KIAA0319L: variants seen among roughly 807,000 people sequenced by gnomAD.
KIAA0319L encodes dyslexia-associated protein KIAA0319-like protein.
Under a neutral mutation model 120.1 loss-of-function variants are expected in KIAA0319L, and 55 were observed. The observed-to-expected ratio is 0.46, with a 90% confidence interval of 0.37 to 0.57. The LOEUF (loss-of-function observed/expected upper bound fraction) is 0.57. Ranked by LOEUF, KIAA0319L falls within the 20% of genes least tolerant of loss-of-function variation. The pLI is 0.00. For synonymous variants in KIAA0319L, 398 were observed against 471.9 expected (o/e 0.84, Z 2.03); for missense variants, 1,049 against 1,255.3 (o/e 0.84, Z 2.48).
intron 3 of KIAA0319L, among the ~76,000 whole-genome samples, chr1:35,493,294 A>C (rs1238832717): frequency 2.0e-5 from 3 of 152,188 alleles, no homozygotes; most frequent in African/African-American, 7.2e-5. Flanking sequence ...ATATAATAGC[A>C]TCAAATATAT....
chr1:35,506,568 G>A lies in KIAA0319L; in HGVS notation c.666+44C>T. The A allele has an allele frequency of 6.5e-7, 1 of 1,548,440 alleles. No individual in the cohort carries two copies. Among genetic ancestry groups the A allele is most frequent in the South Asian group, 1.2e-5 (1 of 81,848 alleles). On this transcript the variant is annotated intron_variant, in intron 3 of 20. Coordinates refer to ENST00000325722, the MANE Select transcript of KIAA0319L (RefSeq NM_024874.5). This position sits in a 1 kb window ranked among gnomAD's most constrained non-coding sequence, Gnocchi z 4.0. ...TTGCTCATATATACCAAATGTAAGAGCAGATTTAACCATTTCTCTGCTCCT... is the reference window on the plus strand; with the variant it reads ...TTGCTCATATATACCAAATGTAAGAACAGATTTAACCATTTCTCTGCTCCT...
chr1:35,468,242 CTCT>C (rs1643400392), intron 6 of KIAA0319L, among the ~76,000 whole-genome samples: 1 of 151,516 alleles, frequency 6.6e-6, no homozygotes. Context: ...CTTTATAACA[CTCT>C]TCTTCTTGGC....
intron 2 of KIAA0319L, among the ~76,000 whole-genome samples, chr1:35,539,466 C>A (rs1646710621): frequency 6.6e-6 from 1 of 152,198 alleles, no homozygotes; most frequent in African/African-American, 2.4e-5. Context: ...TGTCAGAGTG[C>A]AGCTTATAAG....
chr1:35,539,908 C>T (rs918840560), intron 2 of KIAA0319L, among the ~76,000 whole-genome samples: 1 of 152,198 alleles, frequency 6.6e-6, no homozygotes, highest in African/African-American at 2.4e-5. Flanking sequence ...GAAACTGAAT[C>T]AATGTTACCC....
intron 5 of KIAA0319L, among the ~76,000 whole-genome samples, chr1:35,474,181 T>G (rs537299883): frequency 6.6e-6 from 1 of 152,292 alleles, no homozygotes; most frequent in South Asian, 2.1e-4. Flanking sequence ...TGCACAAATA[T>G]TTATGGAATA....
chr1:35,481,115 A>G (rs1644145176), intron 3 of KIAA0319L, among the ~76,000 whole-genome samples: 1 of 152,348 alleles, frequency 6.6e-6, no homozygotes, highest in Non-Finnish European at 1.5e-5. Flanking sequence ...GATATTGTGC[A>G]TATCAGTAGT....
rs375944527 is a variant in KIAA0319L, at chr1:35,467,879, G to T, written c.1114-1184C>A. Among the ~76,000 whole-genome samples, 43 of 152,110 alleles carry T rather than the reference G, an allele frequency of 2.8e-4. No individual in the cohort carries two copies. In the East Asian group the frequency reaches 6.8e-3, roughly 24 times the overall value. ...AATTTTTTATTTTTAGTAGAGACATGGGTTTTGCCATGTTGGCCAGGCTGG... is the reference window on the plus strand; with the variant it reads ...AATTTTTTATTTTTAGTAGAGACATTGGTTTTGCCATGTTGGCCAGGCTGG... On this transcript the variant is annotated intron_variant, in intron 6 of 20. Coordinates refer to ENST00000325722, the MANE Select transcript of KIAA0319L (RefSeq NM_024874.5).
chr1:35,503,631 C>T (rs1645090697), intron 3 of KIAA0319L, among the ~76,000 whole-genome samples: 2 of 152,136 alleles, frequency 1.3e-5, no homozygotes, highest in African/African-American at 2.4e-5. Context: ...TCTTTAATCT[C>T]CTTTTTTAGT....
chr1:35,457,591 A>C (rs1369740662), intron 9 of KIAA0319L, among the ~76,000 whole-genome samples: 1 of 152,192 alleles, frequency 6.6e-6, no homozygotes, highest in Non-Finnish European at 1.5e-5. Flanking sequence ...GAACAGCCTA[A>C]AGCTTCTCAT....
chr1:35,475,440 C>T (rs1175438054), intron 4 of KIAA0319L, among the ~76,000 whole-genome samples: 1 of 152,024 alleles, frequency 6.6e-6, no homozygotes, highest in African/African-American at 2.4e-5. Flanking sequence ...ATTCCAATTG[C>T]TACAAGATTC....
chr1:35,513,267 C>CATATATATATAT lies in KIAA0319L; in HGVS notation c.143-6144_143-6133dup, dbSNP rs1189085625. Among the ~76,000 whole-genome samples, 26 of 107,448 alleles carry CATATATATATAT rather than the reference C, an allele frequency of 2.4e-4. No homozygotes were observed. In the East Asian group the frequency reaches 3.4e-3, roughly 14 times the overall value. The allele number at this position is 107,448 out of a possible 152,430, so 70.5% of individuals were successfully genotyped here. On this transcript the variant is annotated intron_variant, in intron 2 of 20. Transcript: ENST00000325722. Reference sequence around the variant, plus strand: ...ATATATATAAATCATATCTATATAACATATATATATATATATATATATTTT... The same window carrying CATATATATATAT: ...ATATATATAAATCATATCTATATAACATATATATATATATATATATATATATATATATATTTT...
At chr1:35,448,465 TA>T in intron 15 of KIAA0319L, 133 bp from the exon 16 acceptor site, 1 of 892,412 alleles carries the variant, frequency 1.1e-6, no homozygotes, top group African/African-American at 1.7e-5. Context: ...AAAGGGACAA[TA>T]GTGAATTCCT....
chr1:35,521,716 T>C (rs1017375260), intron 2 of KIAA0319L, among the ~76,000 whole-genome samples: 1 of 151,836 alleles, frequency 6.6e-6, no homozygotes, highest in Admixed American at 6.6e-5. Flanking sequence ...CTCACGCCTG[T>C]AATCCCAGCA....
Position 35,478,909 on chromosome 1 carries a change from A to G in KIAA0319L, c.913+57T>C, listed in dbSNP as rs1644022760. The stretch of plus-strand genomic sequence containing the variant: ...CCTTCCTTCTTTCCTCTAAAAGGGA[A>G]TACTTTGATCAAATGTTCTACTTTT... On this transcript the variant is annotated intron_variant, in intron 4 of 20. Transcript: ENST00000325722. 1.9e-6 allele frequency: 3 copies of G among 1,574,056 alleles called. No homozygotes were observed. The East Asian group carries it at 6.7e-5, about 35-fold the overall frequency.
intron 16 of KIAA0319L, among the ~76,000 whole-genome samples, chr1:35,445,916 T>C (rs1641585261): frequency 6.6e-6 from 1 of 152,220 alleles, no homozygotes. Flanking sequence ...ACAGTGCTCT[T>C]ACCAGCACTC....
chr1:35,526,837 G>T (rs1275280288), intron 2 of KIAA0319L, among the ~76,000 whole-genome samples: 1 of 152,028 alleles, frequency 6.6e-6, no homozygotes. Context: ...AGGTCAAGAC[G>T]GAAGGATTGC....
intron 3 of KIAA0319L, among the ~76,000 whole-genome samples, chr1:35,492,152 C>G (rs1468334866): frequency 6.6e-6 from 1 of 152,004 alleles, no homozygotes; most frequent in Non-Finnish European, 1.5e-5. Context: ...TCTATGAGGC[C>G]AGCCAATAAA....
intron 2 of KIAA0319L, among the ~76,000 whole-genome samples, chr1:35,516,147 C>G (rs963183581): frequency 6.6e-6 from 1 of 152,162 alleles, no homozygotes; most frequent in Admixed American, 6.5e-5. Flanking sequence ...TACCTTCCTA[C>G]TAAAACTATT....
In KIAA0319L at chr1:35,506,434, G is replaced by C. The variant is rs1645206478; in HGVS notation, c.666+178C>G. 6.6e-6 allele frequency among the ~76,000 whole-genome samples: 1 copy of C among 152,116 alleles called. No homozygotes were observed. Among genetic ancestry groups the C allele is most frequent in the Admixed American group, 6.5e-5 (1 of 15,278 alleles). The stretch of plus-strand genomic sequence containing the variant: ...GACCTACATAGCATGAACATCTCTA[G>C]GGTCAAATTACCCTTTGTACATCTG... On this transcript the variant is annotated intron_variant, in intron 3 of 20. Coordinates refer to ENST00000325722, the MANE Select transcript of KIAA0319L (RefSeq NM_024874.5). The surrounding 1 kb of genome is among the most constrained non-coding windows in gnomAD (Gnocchi z 4.0).
Sources: allele counts gnomAD v4.1 joint callset (sites outside exome capture counted in the v4.1 genomes callset), GRCh38; gene constraint gnomAD v4.1.1; non-coding constraint Gnocchi (gnomAD v3.1); transcripts MANE v1.5; gene names NCBI Gene and HGNC (gene_info 2026-07-23, HGNC 2026-07-21).